Variants in SYN3 observed in about 807,000 individuals in gnomAD.
SYN3 encodes the protein synapsin-3.
A neutral mutation model predicts 65.8 loss-of-function variants in SYN3; 35 were observed. That is an observed-to-expected ratio of 0.53 (90% CI 0.41 to 0.70). SYN3 has a LOEUF of 0.70. SYN3 is among the 30% of genes least tolerant of loss of function. SYN3 has a pLI of 0.00. For synonymous variants in SYN3, 270 were observed against 292.9 expected (o/e 0.92, Z 0.80); for missense variants, 680 against 749.0 (o/e 0.91, Z 1.08).
chr22:32,975,979 A>G (rs2052173879), intron 3 of SYN3, among the ~76,000 whole-genome samples: 1 of 152,260 alleles, frequency 6.6e-6, no homozygotes, highest in Non-Finnish European at 1.5e-5. Context: ...GCTAAGGTCC[A>G]TTCTAAGAAA....
chr22:32,933,954 A>T (rs138697844), intron 3 of SYN3, among the ~76,000 whole-genome samples: 99 of 152,338 alleles, frequency 6.5e-4, no homozygotes, highest in African/African-American at 2.1e-3. Context: ...ATCTCCCCAG[A>T]TAGCATTAGA....
intron 6 of SYN3, among the ~76,000 whole-genome samples, chr22:32,649,683 G>C (rs922754055): frequency 1.3e-5 from 2 of 152,148 alleles, no homozygotes; most frequent in African/African-American, 4.8e-5. Context: ...GAGACCACAA[G>C]AGCCAACATC....
At chr22:32,780,068 C>CAAAAAAAAAAAAAAAAAA (rs130536) in intron 6 of SYN3, among the ~76,000 whole-genome samples, 3 of 72,592 alleles carry the variant, frequency 4.1e-5, no homozygotes, top group African/African-American at 1.3e-4. Flanking sequence ...GATTCTGTCT[C>CAAAAAAAAAAAAAAAAAA]AAAAAAAAAA....
chr22:32,539,704 T>C (rs1248715801), intron 8 of SYN3, among the ~76,000 whole-genome samples: 2 of 150,912 alleles, frequency 1.3e-5, no homozygotes, highest in Non-Finnish European at 2.9e-5. Context: ...CAGCCCAAGG[T>C]CCAGGAAACT....
chr22:32,967,746 T>C (rs1317852734), intron 3 of SYN3, among the ~76,000 whole-genome samples: 1 of 152,218 alleles, frequency 6.6e-6, no homozygotes, highest in Non-Finnish European at 1.5e-5. Context: ...CCCACTGAAA[T>C]GCAAAGGCTC....
chr22:32,843,411 T>C (rs1204872026), intron 6 of SYN3, among the ~76,000 whole-genome samples: 1 of 152,200 alleles, frequency 6.6e-6, no homozygotes, highest in Non-Finnish European at 1.5e-5. Flanking sequence ...TTGGGCAGGC[T>C]ACATTGTAGA....
intron 6 of SYN3, among the ~76,000 whole-genome samples, chr22:32,598,839 C>G (rs2059240963): frequency 6.6e-6 from 1 of 151,702 alleles, no homozygotes. Context: ...ACCCTGGTGT[C>G]TATGGTGAAT....
chr22:32,601,968 T>G (rs2059291121), intron 6 of SYN3, among the ~76,000 whole-genome samples: 1 of 151,930 alleles, frequency 6.6e-6, no homozygotes, highest in Non-Finnish European at 1.5e-5. Flanking sequence ...GTGACACTTC[T>G]TTATTGAAAT....
rs140215096 is a variant in SYN3, at chr22:32,523,382, A to G, written c.1318+4536T>C. On this transcript the variant is annotated intron_variant, in intron 12 of 13. Transcript: ENST00000358763. Reference sequence around the variant, plus strand: ...AAAAAAATTAGCTGGGTGTGGTGGCATGCACCTGCAGTCCCAGCTACCCGG... The same window carrying G: ...AAAAAAATTAGCTGGGTGTGGTGGCGTGCACCTGCAGTCCCAGCTACCCGG... Among the ~76,000 whole-genome samples the G allele has an allele frequency of 4.6e-3, 700 of 152,230 alleles. 6 individuals carry two copies. The highest frequency in any genetic ancestry group is 0.011 in the African/African-American group (442 of 41,548).
chr22:33,054,062 T>C (rs2054215684), intron 1 of SYN3, among the ~76,000 whole-genome samples: 1 of 152,158 alleles, frequency 6.6e-6, no homozygotes, highest in Admixed American at 6.6e-5. Flanking sequence ...TGTCCTTATC[T>C]AAAAATGAGG....
At chr22:32,979,081 C>G (rs570999869) in intron 3 of SYN3, among the ~76,000 whole-genome samples, 1 of 151,248 alleles carries the variant, frequency 6.6e-6, no homozygotes, top group East Asian at 2.0e-4. Flanking sequence ...CCTGTAGTCC[C>G]AGCTACTCAG....
At chr22:33,017,748 C>T (rs936787233) in intron 1 of SYN3, among the ~76,000 whole-genome samples, 7 of 138,072 alleles carry the variant, frequency 5.1e-5, no homozygotes, top group African/African-American at 1.1e-4. Flanking sequence ...ATTTGTTTAT[C>T]GGTTCTAACA....
At chr22:32,642,578 A>G (rs1408683078) in intron 6 of SYN3, among the ~76,000 whole-genome samples, 1 of 151,804 alleles carries the variant, frequency 6.6e-6, no homozygotes, top group Non-Finnish European at 1.5e-5. Flanking sequence ...AGTAGCTGGG[A>G]CTACAGGCGC....
intron 4 of SYN3, among the ~76,000 whole-genome samples, chr22:32,880,510 G>A (rs1055969665): frequency 2.0e-5 from 3 of 152,162 alleles, no homozygotes; most frequent in African/African-American, 7.2e-5. Flanking sequence ...ATCCCCAAGA[G>A]CAATCAGTCA....
At chr22:32,589,998 C>A (rs535989744) in intron 7 of SYN3, among the ~76,000 whole-genome samples, 89 of 152,184 alleles carry the variant, frequency 5.8e-4, no homozygotes, top group Admixed American at 1.4e-3. Flanking sequence ...TTTTTAAAAT[C>A]TTATTTTGAA....
At position 32,789,658 on chromosome 22, in the gene SYN3, TC is replaced by T. The variant is rs764471923; in HGVS notation, c.711+75256del. Reference sequence around the variant, plus strand: ...TTCCATGTTTCCTAATTCTGATTTTTCAGTAGCCTCTAAACTGTTTTAACTA... The same window carrying T: ...TTCCATGTTTCCTAATTCTGATTTTTAGTAGCCTCTAAACTGTTTTAACTA... On this transcript the variant is annotated intron_variant, in intron 6 of 13. Transcript: ENST00000358763. Among the ~76,000 whole-genome samples, 48 of 152,364 alleles carry T rather than the reference TC, an allele frequency of 3.2e-4. 1 individual carries two copies. The East Asian group carries it at 8.1e-3, about 26-fold the overall frequency.
At chr22:32,842,997 C>A (rs2047957123) in intron 6 of SYN3, among the ~76,000 whole-genome samples, 1 of 152,118 alleles carries the variant, frequency 6.6e-6, no homozygotes, top group African/African-American at 2.4e-5. Context: ...GTGGGGAATG[C>A]AGTAAAATTA....
chr22:32,981,429 T>C (rs756984313), intron 2 of SYN3, among the ~76,000 whole-genome samples: 1 of 151,342 alleles, frequency 6.6e-6, no homozygotes, highest in African/African-American at 2.4e-5. Flanking sequence ...CTACTAAAAA[T>C]ACAAAATTAG....
intron 6 of SYN3, among the ~76,000 whole-genome samples, chr22:32,657,600 G>A (rs1238840551): frequency 6.6e-6 from 1 of 152,224 alleles, no homozygotes; most frequent in Non-Finnish European, 1.5e-5. Context: ...CCCGGGCAGA[G>A]CAGAGTGGGG....
Sources: allele counts gnomAD v4.1 joint callset (sites outside exome capture counted in the v4.1 genomes callset), GRCh38; gene constraint gnomAD v4.1.1; transcripts MANE v1.5; gene names NCBI Gene and HGNC (gene_info 2026-07-23, HGNC 2026-07-21).